Variants in VWC2L observed in about 807,000 individuals in gnomAD.
VWC2L encodes the protein von Willebrand factor C domain containing 2 like.
A neutral mutation model predicts 21.6 loss-of-function variants in VWC2L; 10 were observed. That is an observed-to-expected ratio of 0.46 (90% CI 0.29 to 0.78). The LOEUF is 0.78. VWC2L is among the 30% of genes least tolerant of loss of function. The probability of loss-of-function intolerance (pLI) is 0.10; values close to 1 mark genes in which losing one functional copy is unlikely to be tolerated. For synonymous variants in VWC2L, 96 were observed against 94.3 expected, an observed-to-expected ratio of 1.02 and a Z score of -0.10; for missense variants, 209 against 277.1, an observed-to-expected ratio of 0.75 and a Z score of 1.74.
chr2:214,550,534 T>C (rs1253291463), intron 3 of VWC2L, among the ~76,000 whole-genome samples: 2 of 152,218 alleles, frequency 1.3e-5, no homozygotes, highest in Non-Finnish European at 2.9e-5. Flanking sequence ...TCCTTGAACC[T>C]GTTTTGTTTT....
intron 2 of VWC2L, among the ~76,000 whole-genome samples, chr2:214,424,638 A>T (rs1702495468): frequency 6.6e-6 from 1 of 152,228 alleles, no homozygotes; most frequent in Non-Finnish European, 1.5e-5. Context: ...AGAATTTCAC[A>T]AATTTATGTG....
At chr2:214,465,690 C>T (rs914874428) in intron 3 of VWC2L, among the ~76,000 whole-genome samples, 3 of 152,110 alleles carry the variant, frequency 2.0e-5, no homozygotes, top group Non-Finnish European at 4.4e-5. Flanking sequence ...CCAGCACTTG[C>T]CCAGGAATTG....
chr2:214,564,921 G>T (rs1008848669), intron 3 of VWC2L, among the ~76,000 whole-genome samples: 1 of 152,008 alleles, frequency 6.6e-6, no homozygotes, highest in Non-Finnish European at 1.5e-5. Flanking sequence ...TACCAACATT[G>T]GTATTCATGC....
At chr2:214,573,353 C>T (rs948135354) in intron 3 of VWC2L, among the ~76,000 whole-genome samples, 5 of 152,256 alleles carry the variant, frequency 3.3e-5, no homozygotes, top group Admixed American at 6.5e-5. Flanking sequence ...TGGATAATAT[C>T]TTGCCTGGTT....
intron 3 of VWC2L, among the ~76,000 whole-genome samples, chr2:214,499,954 C>A (rs535348697): frequency 6.6e-6 from 1 of 152,110 alleles, no homozygotes; most frequent in South Asian, 2.1e-4. Flanking sequence ...GGGGCTATTA[C>A]GGTAGATAGG....
intron 3 of VWC2L, among the ~76,000 whole-genome samples, chr2:214,550,276 TCGGC>T (rs1689772940): frequency 1.3e-5 from 2 of 152,174 alleles, no homozygotes; most frequent in Non-Finnish European, 2.9e-5. Flanking sequence ...TACAACAGAC[TCGGC>T]CATAGGAGTG....
Position 214,532,614 on chromosome 2 carries a change from G to A in VWC2L, c.521-43058G>A, listed in dbSNP as rs537522367. ...TATCCCTTCATTTTTTAGCTCTGTG[G>A]TAATTCTGCAGGCTTTTACAAAACT... On this transcript the variant is annotated intron_variant, in intron 3 of 3. Coordinates refer to ENST00000312504, the MANE Select transcript of VWC2L (RefSeq NM_001080500.4). Among the ~76,000 whole-genome samples the A allele has an allele frequency of 2.3e-3, 353 of 152,158 alleles. 1 individual carries two copies. Among genetic ancestry groups the A allele is most frequent in the Non-Finnish European group, 4.0e-3 (273 of 67,994 alleles).
intron 3 of VWC2L, among the ~76,000 whole-genome samples, chr2:214,481,961 G>A (rs1688608788): frequency 6.6e-6 from 1 of 152,138 alleles, no homozygotes; most frequent in East Asian, 1.9e-4. Context: ...ATACAAGGAA[G>A]ACAATGCAAT....
At chr2:214,432,987 A>C (rs1702622295) in intron 2 of VWC2L, among the ~76,000 whole-genome samples, 1 of 150,636 alleles carries the variant, frequency 6.6e-6, no homozygotes, top group Non-Finnish European at 1.5e-5. Flanking sequence ...GTGCCACTGC[A>C]CTCCAGTCTG....
chr2:214,450,284 T>G (rs1702934120), intron 3 of VWC2L, among the ~76,000 whole-genome samples: 1 of 152,030 alleles, frequency 6.6e-6, no homozygotes, highest in Non-Finnish European at 1.5e-5. Flanking sequence ...AGTGCAAGAG[T>G]CAGGTCTCAG....
intron 3 of VWC2L, among the ~76,000 whole-genome samples, chr2:214,524,414 G>A (rs1016744980): frequency 1.3e-5 from 2 of 152,126 alleles, no homozygotes; most frequent in African/African-American, 2.4e-5. Flanking sequence ...GTACATCTCA[G>A]CCACGTTCTG....
chr2:214,499,855 T>C (rs1688867100), intron 3 of VWC2L, among the ~76,000 whole-genome samples: 1 of 152,176 alleles, frequency 6.6e-6, no homozygotes. Flanking sequence ...TCAGACACTT[T>C]TCTGAGCACT....
rs1690272422 is a variant in VWC2L at position 214,578,792 on chromosome 2, T to C, written c.*2972T>C. ...GATCAACATCTTGTTTGTCAGCTGA[T>C]GCCTATTAAAAACGATTCAGTTTCT... On this transcript the variant is annotated 3_prime_UTR_variant, in exon 4 of 4. Coordinates refer to ENST00000312504, the MANE Select transcript of VWC2L (RefSeq NM_001080500.4). 2 of 151,894 alleles carry C rather than the reference T, an allele frequency of 1.3e-5. No homozygotes were observed. The highest frequency in any genetic ancestry group is 2.1e-4 in the South Asian group (1 of 4,826). The allele number at this position is 151,894 out of a possible 1,614,324, so 9.4% of individuals were successfully genotyped here.
chr2:214,423,698 A>C (rs893331694), intron 2 of VWC2L, among the ~76,000 whole-genome samples: 2 of 152,166 alleles, frequency 1.3e-5, no homozygotes, highest in African/African-American at 4.8e-5. Context: ...AAGTTTCCAA[A>C]GGCTGTAATA....
intron 3 of VWC2L, among the ~76,000 whole-genome samples, chr2:214,524,652 C>T (rs921620904): frequency 1.3e-5 from 2 of 152,194 alleles, no homozygotes; most frequent in African/African-American, 4.8e-5. Flanking sequence ...CACATGGTCC[C>T]TGCCTGAACC....
chr2:214,574,154 A>G (rs576227434), intron 3 of VWC2L, among the ~76,000 whole-genome samples: 17 of 152,158 alleles, frequency 1.1e-4, no homozygotes, highest in African/African-American at 3.6e-4. Flanking sequence ...AAACAATAAC[A>G]ACAACAACAA....
chr2:214,430,155 T>G (rs1454428326), intron 2 of VWC2L, among the ~76,000 whole-genome samples: 1 of 150,510 alleles, frequency 6.6e-6, no homozygotes, highest in Non-Finnish European at 1.5e-5. Context: ...AAAAAAAAAA[T>G]AGAACATTGA....
intron 2 of VWC2L, among the ~76,000 whole-genome samples, chr2:214,416,512 A>G (rs993766159): frequency 1.3e-5 from 2 of 152,090 alleles, no homozygotes; most frequent in African/African-American, 4.8e-5. Context: ...AGTCATAAAG[A>G]GTTTTAGAGA....
At chr2:214,442,738 GCTTT>G (rs557724504) in intron 3 of VWC2L, among the ~76,000 whole-genome samples, 289 of 151,962 alleles carry the variant, frequency 1.9e-3, no homozygotes, top group African/African-American at 6.7e-3. Flanking sequence ...CAAGAAAAAA[GCTTT>G]CTTTTTTAAA....
Sources: allele counts gnomAD v4.1 joint callset (sites outside exome capture counted in the v4.1 genomes callset), GRCh38; gene constraint gnomAD v4.1.1; transcripts MANE v1.5; gene names NCBI Gene and HGNC (gene_info 2026-07-23, HGNC 2026-07-21).